Variants in IPO11 observed in about 807,000 individuals in gnomAD.
The protein encoded by IPO11 is importin 11.
A neutral mutation model predicts 143.2 loss-of-function variants in IPO11; 66 were observed. The observed-to-expected ratio is 0.46, with a 90% confidence interval of 0.38 to 0.57. IPO11 has a LOEUF of 0.57. Ranked by LOEUF, IPO11 falls within the 20% of genes least tolerant of loss-of-function variation. IPO11 has a pLI of 0.00. For missense variants in IPO11, 1,026 were observed against 1,141.0 expected (o/e 0.90, Z 1.45); for synonymous variants, 385 against 377.8 (o/e 1.02, Z -0.22).
At position 62,476,708 on chromosome 5, in the gene IPO11, G is replaced by T. The variant is rs26635; in HGVS notation, c.783G>T (p.Val261=). Residue 261 remains valine (V), a synonymous_variant, in exon 9 of 30, where the codon GTG becomes GTT. Transcript: ENST00000325324. Reference sequence around the variant, plus strand: ...GTAGAAGTATAGGTACAGATAATGTGTGTAGAGATAGACTGGAAAAGACCA... The same window carrying T: ...GTAGAAGTATAGGTACAGATAATGTTTGTAGAGATAGACTGGAAAAGACCA... ...ECSRSIGTDN[V]CRDRLEKTII... 704,477 of 1,485,896 alleles carry T rather than the reference G, an allele frequency of 0.47. 171,800 individuals carry two copies. The highest frequency in any genetic ancestry group is 0.51 in the South Asian group (38,564 of 75,436). The allele number at this position is 1,485,896 out of a possible 1,614,324, so 92.0% of individuals were successfully genotyped here. A position where few individuals can be genotyped will look rare whatever the true frequency, so the allele number is the denominator to read the frequency against.
At chr5:62,535,017 ATATTTATTTATT>A (rs70981023) in intron 22 of IPO11, among the ~76,000 whole-genome samples, 14 of 142,640 alleles carry the variant, frequency 9.8e-5, no homozygotes, top group Middle Eastern at 3.6e-3. Context: ...TATAATATTA[ATATTTATTTATT>A]TATTTATTTA....
At chr5:62,488,370 C>T (rs1380762008) in intron 13 of IPO11, among the ~76,000 whole-genome samples, 1 of 152,176 alleles carries the variant, frequency 6.6e-6, no homozygotes, top group Non-Finnish European at 1.5e-5. Flanking sequence ...GCATTGATCA[C>T]GTCTGTTTTG....
intron 29 of IPO11, among the ~76,000 whole-genome samples, chr5:62,608,854 A>T (rs903827888): frequency 3.3e-5 from 5 of 152,182 alleles, no homozygotes; most frequent in Admixed American, 3.3e-4. Context: ...ATGTGTATCC[A>T]ACATTGTAGT....
intron 29 of IPO11, among the ~76,000 whole-genome samples, chr5:62,626,547 G>A (rs1012826945): frequency 7.9e-5 from 12 of 152,126 alleles, no homozygotes; most frequent in African/African-American, 2.9e-4. Flanking sequence ...AGGGATAGAA[G>A]AAGCCAAAAT....
intron 27 of IPO11, chr5:62,581,003 A>G: frequency 6.4e-7 from 1 of 1,551,292 alleles, no homozygotes; most frequent in Non-Finnish European, 8.7e-7. Flanking sequence ...CAAGAAGTTG[A>G]GAAGTTGAAT....
chr5:62,461,641 G>T (rs1445056873), intron 5 of IPO11, among the ~76,000 whole-genome samples: 1 of 151,994 alleles, frequency 6.6e-6, no homozygotes, highest in African/African-American at 2.4e-5. Flanking sequence ...TTGACTATTA[G>T]GTTTTTGTTT....
intron 18 of IPO11, among the ~76,000 whole-genome samples, chr5:62,505,683 A>T (rs1210391582): frequency 6.6e-6 from 1 of 152,116 alleles, no homozygotes; most frequent in Non-Finnish European, 1.5e-5. Context: ...AAGAGTTCAC[A>T]GCCAGACATA....
chr5:62,490,599 G>A (rs530699240), intron 15 of IPO11, among the ~76,000 whole-genome samples: 7 of 152,262 alleles, frequency 4.6e-5, no homozygotes, highest in African/African-American at 1.7e-4. Context: ...AGTCTCTGGG[G>A]AGACGGTAGA....
At chr5:62,447,984 G>A (rs1744779387) in intron 3 of IPO11, among the ~76,000 whole-genome samples, 1 of 152,088 alleles carries the variant, frequency 6.6e-6, no homozygotes, top group Admixed American at 6.6e-5. Flanking sequence ...CAGAGTGCAG[G>A]GATTACAGGC....
At position 62,441,733 on chromosome 5, in the gene IPO11, C is replaced by G. The variant is rs556059173; in HGVS notation, c.139-1250C>G. ...GTTTCATCATGTTGGCCAGGCTGGTCTCGAACTCCTGACCTCATGGTGGTC... is the reference window on the plus strand; with the variant it reads ...GTTTCATCATGTTGGCCAGGCTGGTGTCGAACTCCTGACCTCATGGTGGTC... On this transcript the variant is annotated intron_variant, in intron 2 of 29. Transcript: ENST00000325324. Among the ~76,000 whole-genome samples, 11 of 150,384 alleles carry G rather than the reference C, an allele frequency of 7.3e-5. No individual in the cohort carries two copies. In the South Asian group the frequency reaches 2.1e-3, roughly 29 times the overall value.
At chr5:62,562,969 A>G (rs1292145033) in intron 27 of IPO11, among the ~76,000 whole-genome samples, 1 of 152,214 alleles carries the variant, frequency 6.6e-6, no homozygotes, top group African/African-American at 2.4e-5. Context: ...GTTAAGTAAC[A>G]TATCTAAGAT....
At chr5:62,622,972 A>G (rs373061894) in intron 29 of IPO11, among the ~76,000 whole-genome samples, 18 of 152,310 alleles carry the variant, frequency 1.2e-4, no homozygotes, top group African/African-American at 4.3e-4. Flanking sequence ...TTGATGATTG[A>G]GCTTGTATTG....
intron 29 of IPO11, among the ~76,000 whole-genome samples, chr5:62,623,247 T>C (rs551958287): frequency 3.0e-4 from 46 of 152,340 alleles, no homozygotes; most frequent in Admixed American, 9.1e-4. Flanking sequence ...TTTAAGATTT[T>C]TTGGCCTGTT....
In IPO11 at chr5:62,547,707, C is replaced by T. The variant is rs140643987; in HGVS notation, c.2251-2660C>T. ...TTATGTGGGGATTATTTAATCCTTA[C>T]ATTAATTCTAAGTACTCCCTTGCCA... On this transcript the variant is annotated intron_variant, in intron 24 of 29. Coordinates refer to ENST00000325324, the MANE Select transcript of IPO11 (RefSeq NM_016338.5). Among the ~76,000 whole-genome samples the T allele has an allele frequency of 9.5e-3, 1,441 of 152,160 alleles. 23 individuals are homozygous for T. Among genetic ancestry groups the T allele is most frequent in the African/African-American group, 0.033 (1,389 of 41,532 alleles).
At chr5:62,487,255 A>G (rs193112980) in intron 12 of IPO11, among the ~76,000 whole-genome samples, 1 of 152,212 alleles carries the variant, frequency 6.6e-6, no homozygotes, top group East Asian at 1.9e-4. Context: ...TTTGCTTATT[A>G]TATCATTGCT....
intron 5 of IPO11, among the ~76,000 whole-genome samples, chr5:62,462,985 C>G (rs1745421490): frequency 6.6e-6 from 1 of 150,880 alleles, no homozygotes; most frequent in Non-Finnish European, 1.5e-5. Context: ...GGGACTAGTT[C>G]TAATTTACAC....
chr5:62,527,990 GGTT>G (rs1250001263), intron 21 of IPO11, among the ~76,000 whole-genome samples: 1 of 152,190 alleles, frequency 6.6e-6, no homozygotes, highest in Admixed American at 6.5e-5. Flanking sequence ...ACCCTTACAT[GGTT>G]GTTGTGAATA....
At chr5:62,492,235 A>G (rs1746640352) in intron 15 of IPO11, among the ~76,000 whole-genome samples, 1 of 152,192 alleles carries the variant, frequency 6.6e-6, no homozygotes, top group South Asian at 2.1e-4. Context: ...TCTGGAACAG[A>G]GTCTAATATG....
chr5:62,540,624 G>T (rs892209846), intron 24 of IPO11, among the ~76,000 whole-genome samples: 1 of 152,240 alleles, frequency 6.6e-6, no homozygotes, highest in African/African-American at 2.4e-5. Flanking sequence ...GACTTCCAGG[G>T]TTAGAACATT....
Sources: allele counts gnomAD v4.1 joint callset (sites outside exome capture counted in the v4.1 genomes callset), GRCh38; gene constraint gnomAD v4.1.1; transcripts MANE v1.5; gene names NCBI Gene and HGNC (gene_info 2026-07-23, HGNC 2026-07-21).